The following TRAF3 variants were observed in gnomAD, a reference collection of about 807,000 sequenced individuals.
TRAF3 encodes the protein TNF receptor-associated factor 3.
A neutral mutation model predicts 62.3 loss-of-function variants in TRAF3; 13 were observed. The observed-to-expected ratio is 0.21, with a 90% CI of 0.14 to 0.33. The LOEUF (loss-of-function observed/expected upper bound fraction) is 0.33. Among genes scored for constraint, TRAF3 ranks in the 10% least tolerant of loss-of-function variants. The probability of loss-of-function intolerance (pLI) is 1.00; values close to 1 mark genes in which losing one functional copy is unlikely to be tolerated. For missense variants in TRAF3, 440 were observed against 741.8 expected, an observed-to-expected ratio of 0.59 and a Z score of 4.73; for synonymous variants, 269 against 283.4, an observed-to-expected ratio of 0.95 and a Z score of 0.51.
chr14:102,847,284 C>T (rs748553363), intron 2 of TRAF3, among the ~76,000 whole-genome samples: 1 of 152,168 alleles, frequency 6.6e-6, no homozygotes, highest in Non-Finnish European at 1.5e-5. Flanking sequence ...AAACTATTCT[C>T]CTGCCTTAGC....
chr14:102,801,536 TTTTG>T (rs1198101991), intron 1 of TRAF3, among the ~76,000 whole-genome samples: 1 of 151,830 alleles, frequency 6.6e-6, no homozygotes, highest in Non-Finnish European at 1.5e-5. Context: ...ATGCAGCTAT[TTTTG>T]TTTGTTTGTT....
intron 6 of TRAF3, among the ~76,000 whole-genome samples, chr14:102,884,123 G>C (rs1302468097): frequency 6.6e-6 from 1 of 152,310 alleles, no homozygotes; most frequent in African/African-American, 2.4e-5. Context: ...CCAAGGCCCT[G>C]CTGTCTCTTG....
intron 6 of TRAF3, among the ~76,000 whole-genome samples, chr14:102,884,924 A>G (rs1418716778): frequency 6.6e-6 from 1 of 152,172 alleles, no homozygotes; most frequent in Non-Finnish European, 1.5e-5. Context: ...AGATTGTGCG[A>G]TAGAATTGGT....
intron 2 of TRAF3, among the ~76,000 whole-genome samples, chr14:102,852,758 T>C (rs1340929272): frequency 6.6e-6 from 1 of 151,582 alleles, no homozygotes; most frequent in Non-Finnish European, 1.5e-5. Context: ...TGGAGTGCAG[T>C]GGCGTGATCG....
intron 1 of TRAF3, among the ~76,000 whole-genome samples, chr14:102,794,847 T>A (rs1446309931): frequency 3.3e-5 from 5 of 152,224 alleles, no homozygotes; most frequent in African/African-American, 1.2e-4. Context: ...CTATAAAATG[T>A]ATGTCTTATC....
At chr14:102,827,816 C>T (rs1283661144) in intron 1 of TRAF3, among the ~76,000 whole-genome samples, 1 of 152,202 alleles carries the variant, frequency 6.6e-6, no homozygotes, top group East Asian at 1.9e-4. Flanking sequence ...GTGCTCTGAC[C>T]ACGTAATGGT....
rs974923029 is a variant in TRAF3 at position 102,820,423 on chromosome 14, G to A, written c.-156-9911G>A. ...CTCTGCCCTCTTAGCTGGGCCTAGA[G>A]CTTTAAACATTAACTGGATTCAACA... On this transcript the variant is annotated intron_variant, in intron 1 of 11. Transcript: ENST00000392745. 2.0e-5 allele frequency among the ~76,000 whole-genome samples: 3 copies of A among 151,416 alleles called. No homozygotes were observed. The East Asian group carries it at 5.8e-4, about 29-fold the overall frequency.
chr14:102,791,927 C>G (rs1395944694), intron 1 of TRAF3, among the ~76,000 whole-genome samples: 2 of 150,670 alleles, frequency 1.3e-5, no homozygotes, highest in African/African-American at 2.4e-5. Context: ...ATCCTCTCAC[C>G]TCAGCCTCCT....
intron 2 of TRAF3, among the ~76,000 whole-genome samples, chr14:102,851,725 C>T: frequency 6.6e-6 from 1 of 152,080 alleles, no homozygotes; most frequent in East Asian, 1.9e-4. Context: ...GCCTGGGCGA[C>T]AGAGCAAGAC....
chr14:102,856,052 A>ACTG (rs2139755895), intron 2 of TRAF3, among the ~76,000 whole-genome samples: 1 of 142,808 alleles, frequency 7.0e-6, no homozygotes, highest in South Asian at 2.2e-4. Context: ...CGTTCACACC[A>ACTG]CTGCACTCCA....
intron 2 of TRAF3, among the ~76,000 whole-genome samples, chr14:102,856,330 G>T (rs1158418138): frequency 6.6e-6 from 1 of 152,100 alleles, no homozygotes; most frequent in East Asian, 1.9e-4. Context: ...TGAGTTTTAT[G>T]GGAAAGGGGT....
At chr14:102,817,746 C>G (rs1299401518) in intron 1 of TRAF3, among the ~76,000 whole-genome samples, 1 of 152,190 alleles carries the variant, frequency 6.6e-6, no homozygotes, top group Non-Finnish European at 1.5e-5. Flanking sequence ...AAGTGCTTAT[C>G]CTCAGGGTTC....
intron 1 of TRAF3, among the ~76,000 whole-genome samples, chr14:102,812,282 C>T (rs940417548): frequency 1.3e-5 from 2 of 152,020 alleles, no homozygotes; most frequent in Non-Finnish European, 2.9e-5. Flanking sequence ...TGGCTTATCT[C>T]ACTTAATATA....
chr14:102,884,805 C>G (rs1889277614), intron 6 of TRAF3, among the ~76,000 whole-genome samples: 1 of 151,528 alleles, frequency 6.6e-6, no homozygotes, highest in Non-Finnish European at 1.5e-5. Flanking sequence ...GAGTGAGACT[C>G]CGTCTCAAAA....
intron 1 of TRAF3, among the ~76,000 whole-genome samples, chr14:102,803,813 A>G (rs988410416): frequency 1.3e-5 from 2 of 152,172 alleles, no homozygotes; most frequent in Non-Finnish European, 2.9e-5. Context: ...TCTGTCCTTC[A>G]CTTGCAAGCA....
At chr14:102,814,771 C>T (rs954893550) in intron 1 of TRAF3, among the ~76,000 whole-genome samples, 9 of 152,176 alleles carry the variant, frequency 5.9e-5, no homozygotes, top group African/African-American at 2.2e-4. Context: ...GGTCCACCCA[C>T]CTCAGCCTCC....
At position 102,903,205 on chromosome 14, in the gene TRAF3, T is replaced by C. The variant is rs1167038690; in HGVS notation, c.961-50T>C. On this transcript the variant is annotated intron_variant, in intron 10 of 11. Transcript: ENST00000392745. The surrounding 1 kb of genome is among the most constrained non-coding windows in gnomAD (Gnocchi z 6.4). Reference sequence around the variant, plus strand: ...GTATTTGATGGAAGGTGGTGCAGCATTTTCCGAGTCCTAACTGTGTTTTGC... The same window carrying C: ...GTATTTGATGGAAGGTGGTGCAGCACTTTCCGAGTCCTAACTGTGTTTTGC... 18 of 1,612,962 alleles carry C rather than the reference T, an allele frequency of 1.1e-5. No individual in the cohort carries two copies. The highest frequency in any genetic ancestry group is 1.7e-5 in the Admixed American group (1 of 59,998).
intron 9 of TRAF3, among the ~76,000 whole-genome samples, chr14:102,894,097 C>T (rs1237447827): frequency 5.3e-5 from 8 of 152,074 alleles, no homozygotes; most frequent in African/African-American, 1.7e-4. Context: ...GAGGCCGAGG[C>T]GGGCAGATTG....
chr14:102,811,202 A>G (rs1002121384), intron 1 of TRAF3, among the ~76,000 whole-genome samples: 20 of 152,066 alleles, frequency 1.3e-4, no homozygotes, highest in Non-Finnish European at 4.4e-5. Flanking sequence ...GGGATGCCGA[A>G]TTGCTGCATC....
Sources: allele counts gnomAD v4.1 joint callset (sites outside exome capture counted in the v4.1 genomes callset), GRCh38; gene constraint gnomAD v4.1.1; non-coding constraint Gnocchi (gnomAD v3.1); transcripts MANE v1.5; gene names NCBI Gene and HGNC (gene_info 2026-07-23, HGNC 2026-07-21).